GBE1: variants seen among roughly 807,000 people sequenced by gnomAD.
GBE1 encodes the protein 1,4-alpha-glucan-branching enzyme.
Under a neutral mutation model 88.8 loss-of-function variants are expected in GBE1, and 70 were observed. The ratio of observed to expected loss-of-function variants is 0.79; its 90% CI spans 0.65 to 0.96. The LOEUF is 0.96. Among genes scored for constraint, GBE1 ranks in the 40% least tolerant of loss-of-function variants. The pLI, the probability that GBE1 is intolerant of heterozygous loss-of-function variation, is 0.00. For synonymous variants in GBE1, 284 were observed against 300.1 expected (o/e 0.95, Z 0.56); for missense variants, 872 against 871.0 (o/e 1.00, Z -0.01).
At chr3:81,593,224 G>T (rs1703904819) in intron 8 of GBE1, among the ~76,000 whole-genome samples, 1 of 151,734 alleles carries the variant, frequency 6.6e-6, no homozygotes, top group African/African-American at 2.4e-5. Flanking sequence ...AATTAGCCAG[G>T]TGTGATGATG....
chr3:81,503,157 C>T (rs528929562), intron 14 of GBE1, among the ~76,000 whole-genome samples: 7 of 152,164 alleles, frequency 4.6e-5, no homozygotes, highest in Admixed American at 2.6e-4. Context: ...TAAGTACATA[C>T]AATGTACAAG....
intron 14 of GBE1, among the ~76,000 whole-genome samples, chr3:81,520,210 TTTTCAAATTGAAAG>T (rs1559631830): frequency 6.6e-6 from 1 of 151,538 alleles, no homozygotes; most frequent in Non-Finnish European, 1.5e-5. Flanking sequence ...TACTGTGTTT[TTTTCAAATTGAAAG>T]TTTGTGGAAA....
intron 6 of GBE1, among the ~76,000 whole-genome samples, chr3:81,643,194 T>A (rs995377572): frequency 1.3e-5 from 2 of 152,120 alleles, no homozygotes; most frequent in African/African-American, 4.8e-5. Context: ...ATAATTTAAA[T>A]CGGGTTATTA....
Position 81,612,398 on chromosome 3 carries a change from G to A in GBE1, c.993-18375C>T, listed in dbSNP as rs530471539. The A allele has an allele frequency of 8.7e-4, 728 of 832,626 alleles. 15 individuals are homozygous for A. In the South Asian group the frequency reaches 9.2e-3, roughly 10 times the overall value. 51.6% of individuals were successfully genotyped at this position (832,626 alleles called of 1,614,324 possible). A position where few individuals can be genotyped will look rare whatever the true frequency, so the allele number is the denominator to read the frequency against. ...ACGCTCATTAGGATGAAATTCTTTG[G>A]GAATAATTTTATTTTCAAAGTAAGG... is the stretch of plus-strand genomic sequence containing the variant. On this transcript the variant is annotated intron_variant, in intron 7 of 15. Transcript: ENST00000429644.
At chr3:81,563,553 A>T (rs1703449154) in intron 12 of GBE1, among the ~76,000 whole-genome samples, 1 of 152,058 alleles carries the variant, frequency 6.6e-6, no homozygotes, top group Non-Finnish European at 1.5e-5. Context: ...TGCCCATTGT[A>T]TATTAATTTA....
intron 2 of GBE1, among the ~76,000 whole-genome samples, chr3:81,671,277 CCAT>C (rs982519704): frequency 6.6e-6 from 1 of 151,878 alleles, no homozygotes; most frequent in Non-Finnish European, 1.5e-5. Flanking sequence ...TTAGAAAACA[CCAT>C]CAACAAAGAG....
chr3:81,627,764 TATAA>T (rs141930917), intron 7 of GBE1, among the ~76,000 whole-genome samples: 48,733 of 143,910 alleles, frequency 0.34, 8,679 homozygotes, highest in East Asian at 0.77. Context: ...TATATATATA[TATAA>T]AAAACATATA....
chr3:81,493,286 T>C (rs1330185910), intron 15 of GBE1, among the ~76,000 whole-genome samples: 2 of 152,170 alleles, frequency 1.3e-5, no homozygotes, highest in Non-Finnish European at 2.9e-5. Flanking sequence ...CCAAGGTTCC[T>C]GGGAAAGTTG....
chr3:81,573,773 C>CTGTGTGTG lies in GBE1; in HGVS notation c.1618+4151_1618+4152insCACACACA, dbSNP rs201683183. On this transcript the variant is annotated intron_variant, in intron 12 of 15. Coordinates refer to ENST00000429644, the MANE Select transcript of GBE1 (RefSeq NM_000158.4). Reference sequence around the variant, plus strand: ...TTGCCTTCTCTCTCTCTCTCTCTCTCTCTGTGTGTGTGTGTGTGTGTGTGT... The same window carrying CTGTGTGTG: ...TTGCCTTCTCTCTCTCTCTCTCTCTCTGTGTGTGTCTGTGTGTGTGTGTGTGTGTGTGT... 4.1e-3 allele frequency among the ~76,000 whole-genome samples: 482 copies of CTGTGTGTG among 117,282 alleles called. 1 individual carries two copies. The highest frequency in any genetic ancestry group is 0.02 in the Middle Eastern group (5 of 252). The allele number at this position is 117,282 out of a possible 152,430, so 76.9% of individuals were successfully genotyped here. A position where few individuals can be genotyped will look rare whatever the true frequency, so the allele number is the denominator to read the frequency against.
chr3:81,753,399 T>G (rs577386282), intron 1 of GBE1, among the ~76,000 whole-genome samples: 1 of 152,348 alleles, frequency 6.6e-6, no homozygotes, highest in Admixed American at 6.5e-5. Context: ...AGAATACACT[T>G]TCATATTTTC....
intron 1 of GBE1, among the ~76,000 whole-genome samples, chr3:81,716,386 T>C (rs1476603807): frequency 6.6e-6 from 1 of 152,138 alleles, no homozygotes; most frequent in African/African-American, 2.4e-5. Context: ...CAAAAGTAAA[T>C]AGCGGCTATT....
At chr3:81,503,507 G>T (rs984501814) in intron 14 of GBE1, among the ~76,000 whole-genome samples, 11 of 152,284 alleles carry the variant, frequency 7.2e-5, no homozygotes, top group Admixed American at 5.2e-4. Context: ...GCAGTCAGGA[G>T]TCTAACAACA....
chr3:81,589,982 G>C (rs1202478370), intron 9 of GBE1, among the ~76,000 whole-genome samples: 1 of 151,964 alleles, frequency 6.6e-6, no homozygotes, highest in African/African-American at 2.4e-5. Context: ...AAATTGTATG[G>C]TAGGTTGTTT....
At chr3:81,525,005 ATGGTCAT>A (rs1702925000) in intron 14 of GBE1, among the ~76,000 whole-genome samples, 2 of 151,846 alleles carry the variant, frequency 1.3e-5, no homozygotes, top group Non-Finnish European at 2.9e-5. Context: ...TTGGATTGGT[ATGGTCAT>A]TGGTATACGG....
intron 3 of GBE1, among the ~76,000 whole-genome samples, chr3:81,667,387 G>C (rs1327135778): frequency 3.3e-5 from 5 of 152,160 alleles, no homozygotes; most frequent in Non-Finnish European, 7.4e-5. Flanking sequence ...CATGTCATCT[G>C]CAAACAGAGA....
At chr3:81,705,673 C>A (rs1705765588) in intron 1 of GBE1, 60 bp from the exon 2 acceptor site, 6 of 1,175,160 alleles carry the variant, frequency 5.1e-6, no homozygotes, top group Non-Finnish European at 7.0e-6. Flanking sequence ...AGAAAAGCTA[C>A]TGTAATTAAG....
chr3:81,589,648 A>G (rs1214541580), intron 9 of GBE1, among the ~76,000 whole-genome samples: 1 of 152,048 alleles, frequency 6.6e-6, no homozygotes, highest in Non-Finnish European at 1.5e-5. Context: ...TGGAAAGATC[A>G]ATGTAACAAT....
intron 2 of GBE1, among the ~76,000 whole-genome samples, chr3:81,686,896 A>G (rs1206722379): frequency 7.2e-5 from 11 of 152,326 alleles, no homozygotes; most frequent in African/African-American, 2.6e-4. Flanking sequence ...ATGTGTCTAT[A>G]TAGTATAAAA....
Position 81,563,350 on chromosome 3 carries a change from G to A in GBE1, c.1618+14575C>T, listed in dbSNP as rs75802528. ...GAGATGATTTAAGAATTAACAACAC[G>A]GCAGAAATACTGTGAAGAAAACCCA... On this transcript the variant is annotated intron_variant, in intron 12 of 15. Transcript: ENST00000429644. Among the ~76,000 whole-genome samples, 320 of 152,142 alleles carry A rather than the reference G, an allele frequency of 2.1e-3. 1 individual carries two copies. The highest frequency in any genetic ancestry group is 3.6e-3 in the Non-Finnish European group (243 of 67,964).
Sources: gnomAD v4.1 joint callset for allele counts (sites outside exome capture counted in the v4.1 genomes callset) on GRCh38, gnomAD v4.1.1 for gene constraint, MANE v1.5 for transcripts, NCBI Gene and HGNC (gene_info 2026-07-23, HGNC 2026-07-21) for gene names.